The following STX18 variants were observed in gnomAD, a reference collection of about 807,000 sequenced individuals.
The protein encoded by STX18 is syntaxin 18.
Under a neutral mutation model 50.1 loss-of-function variants are expected in STX18, and 40 were observed. The ratio of observed to expected loss-of-function variants is 0.80; its 90% confidence interval spans 0.62 to 1.04. The LOEUF (loss-of-function observed/expected upper bound fraction) is 1.04, where lower values mean the gene tolerates loss of function less well. Among genes scored for constraint, STX18 ranks in the 50% least tolerant of loss-of-function variants. The probability of loss-of-function intolerance (pLI) is 0.00; values close to 1 mark genes in which losing one functional copy is unlikely to be tolerated. For synonymous variants in STX18, 158 were observed against 151.8 expected (o/e 1.04, Z -0.30); for missense variants, 410 against 415.8 (o/e 0.99, Z 0.12).
intron 5 of STX18, among the ~76,000 whole-genome samples, chr4:4,443,136 T>A (rs1726210018): frequency 6.6e-6 from 1 of 152,236 alleles, no homozygotes; most frequent in Non-Finnish European, 1.5e-5. Context: ...CAAATTAACA[T>A]GTATTTAATC....
At chr4:4,482,279 C>G (rs986549917) in intron 1 of STX18, among the ~76,000 whole-genome samples, 2 of 152,174 alleles carry the variant, frequency 1.3e-5, no homozygotes, top group Non-Finnish European at 2.9e-5. Flanking sequence ...GTCCACCCAG[C>G]CGCTGCCTCC....
rs761432951 is a variant in STX18 at position 4,457,495 on chromosome 4, T to C, written c.358A>G (p.Lys120Glu). Residue 120 changes from lysine (K) to glutamate (E), a missense_variant, in exon 4 of 11, where the codon AAG (lysine) becomes GAG (glutamate). By Grantham distance (56) the Lys-to-Glu change is moderately conservative (BLOSUM62 1). Coordinates refer to ENST00000306200, the MANE Select transcript of STX18 (RefSeq NM_016930.4). ...TTCACTTGCTGGGAATGTATCTCCTTGTGAGCTGTAACAGAAAAAGACAAT... is the reference window on the plus strand; with the variant it reads ...TTCACTTGCTGGGAATGTATCTCCTCGTGAGCTGTAACAGAAAAAGACAAT... ...AIQQLRTEAH[K>E]EIHSQQVKEH... 4 of 1,613,698 alleles carry C rather than the reference T, an allele frequency of 2.5e-6. No individual in the cohort carries two copies. The highest frequency in any genetic ancestry group is 1.7e-5 in the Admixed American group (1 of 59,968).
intron 5 of STX18, among the ~76,000 whole-genome samples, chr4:4,448,505 C>A (rs2108804141): frequency 6.6e-6 from 1 of 152,220 alleles, no homozygotes; most frequent in South Asian, 2.1e-4. Context: ...CTACACCCAG[C>A]TAATTTTTGT....
intron 1 of STX18, among the ~76,000 whole-genome samples, chr4:4,488,599 CTG>C (rs1728799828): frequency 6.6e-6 from 1 of 152,222 alleles, no homozygotes; most frequent in African/African-American, 2.4e-5. Context: ...CTCCACCACA[CTG>C]TTCCTCAGTG....
intron 1 of STX18, among the ~76,000 whole-genome samples, chr4:4,504,786 A>G (rs1202962140): frequency 6.6e-6 from 1 of 152,200 alleles, no homozygotes; most frequent in African/African-American, 2.4e-5. Context: ...AGCTGAAATA[A>G]AAAATACTAA....
At chr4:4,520,268 C>T (rs1239667244) in intron 1 of STX18, among the ~76,000 whole-genome samples, 3 of 152,180 alleles carry the variant, frequency 2.0e-5, no homozygotes, top group Admixed American at 1.3e-4. Context: ...CAATAGGGTG[C>T]TGTTAAGGAG....
rs1219472084 is a variant in STX18 at position 4,420,787 on chromosome 4, TG to T, written c.912+76del. The T allele has an allele frequency of 8.3e-6, 11 of 1,327,798 alleles. No homozygotes were observed. The Admixed American group carries it at 1.5e-4, about 18-fold the overall frequency. The allele number at this position is 1,327,798 out of a possible 1,614,324, so 82.3% of individuals were successfully genotyped here. A position where few individuals can be genotyped will look rare whatever the true frequency, so the allele number is the denominator to read the frequency against. On this transcript the variant is annotated intron_variant, in intron 10 of 10. Coordinates refer to ENST00000306200, the MANE Select transcript of STX18 (RefSeq NM_016930.4). The surrounding 1 kb of genome is among the most constrained non-coding windows in gnomAD (Gnocchi z 4.3). ...GCCCAGCAAGGCTCCTGGGCAGCTGTGCCGGCGAGACTAACACCCGCTGCTG... is the reference window on the plus strand; with the variant it reads ...GCCCAGCAAGGCTCCTGGGCAGCTGTCCGGCGAGACTAACACCCGCTGCTG...
At chr4:4,456,996 G>A (rs1727111312) in intron 5 of STX18, among the ~76,000 whole-genome samples, 195 bp downstream of exon 5, 1 of 152,180 alleles carries the variant, frequency 6.6e-6, no homozygotes, top group Non-Finnish European at 1.5e-5. Context: ...CTGCCTCATG[G>A]GGGTTTGTTG....
intron 1 of STX18, among the ~76,000 whole-genome samples, chr4:4,538,172 T>C (rs888394498): frequency 3.3e-5 from 5 of 151,634 alleles, no homozygotes; most frequent in African/African-American, 1.2e-4. Context: ...TGTTACTATA[T>C]GTCAAGTAGA....
In STX18 at chr4:4,457,208, C is replaced by T. The variant is rs1426423665; in HGVS notation, c.480G>A (p.Val160=). Residue 160 remains valine (V), a synonymous_variant, in exon 5 of 11, where the codon GTG becomes GTA. Coordinates refer to ENST00000306200, the MANE Select transcript of STX18 (RefSeq NM_016930.4). ...ATACTTACAATCTTTTCTTATCCAC[C>T]ACTCTTTTAACTCGGATGGCTCTCT... ...SEQRAIRVKR[V]VDKKRLSKLE... 1 of 1,613,998 alleles carries T rather than the reference C, an allele frequency of 6.2e-7. No homozygotes were observed. Among genetic ancestry groups the T allele is most frequent in the East Asian group, 2.2e-5 (1 of 44,874 alleles).
intron 1 of STX18, among the ~76,000 whole-genome samples, chr4:4,502,869 A>C (rs1013887604): frequency 1.3e-5 from 2 of 152,128 alleles, no homozygotes; most frequent in Non-Finnish European, 2.9e-5. Flanking sequence ...GCCCGATGCA[A>C]TCTCCTCCTA....
chr4:4,433,068 AG>A (rs1725595818), intron 7 of STX18, among the ~76,000 whole-genome samples: 1 of 152,328 alleles, frequency 6.6e-6, no homozygotes, highest in South Asian at 2.1e-4. Flanking sequence ...CACAGGTTGG[AG>A]CCAAAGGTTG....
At chr4:4,502,643 CA>C (rs771299931) in intron 1 of STX18, among the ~76,000 whole-genome samples, 2 of 152,056 alleles carry the variant, frequency 1.3e-5, no homozygotes, top group South Asian at 2.1e-4. Flanking sequence ...AAAAAAAATA[CA>C]CAGCTCTTTG....
At chr4:4,507,016 C>T (rs1206448630) in intron 1 of STX18, 7 of 404,082 alleles carry the variant, frequency 1.7e-5, no homozygotes, top group African/African-American at 4.2e-5. Context: ...TGCTAATCTA[C>T]AAATAACACT....
intron 1 of STX18, among the ~76,000 whole-genome samples, chr4:4,523,294 T>C (rs990360413): frequency 2.6e-5 from 4 of 152,158 alleles, no homozygotes; most frequent in Non-Finnish European, 5.9e-5. Flanking sequence ...AATGTAGTCT[T>C]TTCCCAGGGA....
intron 1 of STX18, among the ~76,000 whole-genome samples, chr4:4,535,397 A>G (rs937524355): frequency 2.6e-5 from 4 of 152,232 alleles, no homozygotes; most frequent in Admixed American, 1.3e-4. Context: ...AAAACTCTGC[A>G]GTGCTGAGCT....
intron 1 of STX18, among the ~76,000 whole-genome samples, chr4:4,506,753 A>G (rs1312310689): frequency 6.6e-6 from 1 of 152,234 alleles, no homozygotes; most frequent in African/African-American, 2.4e-5. Flanking sequence ...GTTAGAGAAT[A>G]AATGCAATAA....
At chr4:4,473,672 T>C (rs938412190) in intron 1 of STX18, among the ~76,000 whole-genome samples, 3 of 152,254 alleles carry the variant, frequency 2.0e-5, no homozygotes, top group South Asian at 4.2e-4. Flanking sequence ...CATAAAAGAT[T>C]TGACCAAGCT....
chr4:4,423,901 GA>G, intron 8 of STX18: 1 of 387,926 alleles, frequency 2.6e-6, no homozygotes, highest in Non-Finnish European at 4.7e-6. Flanking sequence ...GGGGAATGGG[GA>G]GGGCCTGGTT....
Sources: allele counts gnomAD v4.1 joint callset (sites outside exome capture counted in the v4.1 genomes callset), GRCh38; gene constraint gnomAD v4.1.1; non-coding constraint Gnocchi (gnomAD v3.1); transcripts MANE v1.5; gene names NCBI Gene and HGNC (gene_info 2026-07-23, HGNC 2026-07-21).